The following C1orf141 variants were observed in gnomAD, a reference collection of about 807,000 sequenced individuals.
The protein encoded by C1orf141 is chromosome 1 open reading frame 141, also known as uncharacterized protein C1orf141.
A neutral mutation model predicts 23.2 loss-of-function variants in C1orf141; 19 were observed. The observed-to-expected ratio is 0.82, with a 90% CI of 0.57 to 1.20. C1orf141 has a LOEUF of 1.20. Among genes scored for constraint, C1orf141 ranks in the 50% most tolerant of loss-of-function variants. C1orf141 has a pLI of 0.00. For missense variants in C1orf141, 469 were observed against 455.1 expected, an observed-to-expected ratio of 1.03 and a Z score of -0.28; for synonymous variants, 153 against 154.6, an observed-to-expected ratio of 0.99 and a Z score of 0.08.
chr1:67,105,619 G>A (rs1415044327), intron 5 of C1orf141, among the ~76,000 whole-genome samples: 1 of 151,876 alleles, frequency 6.6e-6, no homozygotes, highest in African/African-American at 2.4e-5. Flanking sequence ...AAATGCTCTA[G>A]ACAAAATACA....
In C1orf141 at chr1:67,133,595, G is replaced by T. The variant is rs114465907; in HGVS notation, c.-104+1335C>A. On this transcript the variant is annotated intron_variant, in intron 1 of 7. Transcript: ENST00000684719. ...CGTATGTTGAAGTCCTAGGCCCCAGGATCTCAGACTGTGATTGTATTTGGA... is the reference window on the plus strand; with the variant it reads ...CGTATGTTGAAGTCCTAGGCCCCAGTATCTCAGACTGTGATTGTATTTGGA... Among the ~76,000 whole-genome samples, 472 of 152,294 alleles carry T rather than the reference G, an allele frequency of 3.1e-3. 4 individuals are homozygous for T. Among genetic ancestry groups the T allele is most frequent in the African/African-American group, 0.011 (464 of 41,554 alleles).
intron 5 of C1orf141, among the ~76,000 whole-genome samples, chr1:67,110,392 G>C (rs4655675): frequency 6.6e-6 from 1 of 152,024 alleles, no homozygotes; most frequent in Non-Finnish European, 1.5e-5. Context: ...CAGGATGCAC[G>C]GTGGTATAAA....
Position 67,093,167 on chromosome 1 carries a change from A to G in C1orf141, c.1041T>C (p.Phe347=). The change falls in exon 8 of 8, where the codon TTT becomes TTC. Residue 347 remains phenylalanine (F), a synonymous_variant. Transcript: ENST00000684719. The part of the protein sequence containing the change: ...IHEMSAQTGK[F]ERMFSAGKPT... ...GTTTTCCTGCAGAAAACATTCTTTC[A>G]AATTTTCCAGTTTGGGCACTCATTT... The G allele has an allele frequency of 2.5e-6, 4 of 1,613,944 alleles. No homozygotes were observed. Among genetic ancestry groups the G allele is most frequent in the Non-Finnish European group, 3.4e-6 (4 of 1,179,888 alleles).
chr1:67,140,760 A>G (rs1646629283), intron 1 of C1orf141, among the ~76,000 whole-genome samples: 1 of 152,204 alleles, frequency 6.6e-6, no homozygotes. Flanking sequence ...AAAAAATTTA[A>G]AAGTTGATAA....
At chr1:67,097,580 G>A (rs1645710858) in intron 5 of C1orf141, among the ~76,000 whole-genome samples, 1 of 152,222 alleles carries the variant, frequency 6.6e-6, no homozygotes, top group Middle Eastern at 3.2e-3. Flanking sequence ...ATAAGCCATG[G>A]TGAAGAGTTA....
At chr1:67,112,598 A>G (rs1459517946) in intron 5 of C1orf141, among the ~76,000 whole-genome samples, 1 of 152,020 alleles carries the variant, frequency 6.6e-6, no homozygotes, top group Non-Finnish European at 1.5e-5. Flanking sequence ...GCTACTCAAG[A>G]GACTGAGGTG....
rs762390664 is a variant in C1orf141, at chr1:67,095,379, G to C, written c.459C>G (p.Asn153Lys). The change falls in exon 7 of 8, where the codon AAC (asparagine) becomes AAG (lysine). Residue 153 changes from asparagine (N) to lysine (K), a missense_variant. Coordinates refer to ENST00000684719, the MANE Select transcript of C1orf141 (RefSeq NM_001276351.2). ...TTAATTGATAATTTCTGACCGATTT[G>C]TTTTCTTTTATATTAAAATCGTTCA... ...PQMNDFNIKE[N>K]KSVRNYQLSK... 2 of 1,562,844 alleles carry C rather than the reference G, an allele frequency of 1.3e-6. No homozygotes were observed. Among genetic ancestry groups the C allele is most frequent in the Non-Finnish European group, 1.7e-6 (2 of 1,148,264 alleles).
At chr1:67,135,242 T>A (rs1243156371), upstream of C1orf141, among the ~76,000 whole-genome samples, 1 of 152,262 alleles carries the variant, frequency 6.6e-6, no homozygotes, top group Admixed American at 6.5e-5. Context: ...TTCCCCTTAT[T>A]GTACCTCCTT....
At chr1:67,104,416 C>A (rs928805076) in intron 5 of C1orf141, among the ~76,000 whole-genome samples, 1 of 151,706 alleles carries the variant, frequency 6.6e-6, no homozygotes. Flanking sequence ...GGTAAGAAGA[C>A]GAGTTGTGAG....
rs61782288 is a variant in C1orf141 at position 67,095,373 on chromosome 1, C to T, written c.465G>A (p.Ser155=). The T allele has an allele frequency of 0.07, 109,715 of 1,563,124 alleles. 4,483 individuals carry two copies. The highest frequency in any genetic ancestry group is 0.094 in the Admixed American group (5,114 of 54,662). The change falls in exon 7 of 8, where the codon TCG becomes TCA. Residue 155 remains serine, a synonymous_variant. Coordinates refer to ENST00000684719, the MANE Select transcript of C1orf141 (RefSeq NM_001276351.2). Reference sequence around the variant, plus strand: ...ACTTACTTAATTGATAATTTCTGACCGATTTGTTTTCTTTTATATTAAAAT... The same window carrying T: ...ACTTACTTAATTGATAATTTCTGACTGATTTGTTTTCTTTTATATTAAAAT... ...MNDFNIKENK[S]VRNYQLSKYR...
At chr1:67,096,532 A>T (rs1016940552) in intron 5 of C1orf141, among the ~76,000 whole-genome samples, 5 of 152,370 alleles carry the variant, frequency 3.3e-5, no homozygotes, top group African/African-American at 1.2e-4. Context: ...TGGCTAAAAC[A>T]GATCAAACAT....
chr1:67,111,986 T>C (rs1056935253), intron 5 of C1orf141, among the ~76,000 whole-genome samples: 1 of 152,214 alleles, frequency 6.6e-6, no homozygotes, highest in African/African-American at 2.4e-5. Context: ...AAATAGTCCC[T>C]TCTACCTGCA....
At position 67,092,494 on chromosome 1, in the gene C1orf141, A is replaced by G. The variant is rs2102406322; in HGVS notation, c.*511T>C. 1 of 152,416 alleles carries G rather than the reference A, an allele frequency of 6.6e-6. No homozygotes were observed. Among genetic ancestry groups the G allele is most frequent in the East Asian group, 1.9e-4 (1 of 5,266 alleles). The allele number at this position is 152,416 out of a possible 1,614,324, so 9.4% of individuals were successfully genotyped here. On this transcript the variant is annotated 3_prime_UTR_variant, in exon 8 of 8. Transcript: ENST00000684719. ...GTTCCAACAGCTACTAATGACAATA[A>G]AATCTATTCAAAGTTTTACAAAGCC...
upstream of C1orf141, among the ~76,000 whole-genome samples, chr1:67,138,330 CCTT>C (rs1320478280): frequency 1.3e-5 from 2 of 152,162 alleles, no homozygotes; most frequent in African/African-American, 4.8e-5. Flanking sequence ...CACTTAATGA[CCTT>C]CTGTCTCTTT....
At chr1:67,139,452 G>A (rs771880422), upstream of C1orf141, among the ~76,000 whole-genome samples, 35 of 152,056 alleles carry the variant, frequency 2.3e-4, no homozygotes, top group Non-Finnish European at 4.6e-4. Flanking sequence ...CTCAAAAACT[G>A]CTACCTGAAC....
chr1:67,131,935 C>T (rs1434657580), intron 1 of C1orf141, among the ~76,000 whole-genome samples: 1 of 151,856 alleles, frequency 6.6e-6, no homozygotes, highest in Non-Finnish European at 1.5e-5. Flanking sequence ...CAGGTGCCCG[C>T]CACCACACGC....
At chr1:67,129,803 T>C (rs1157623483) in intron 2 of C1orf141, among the ~76,000 whole-genome samples, 2 of 152,174 alleles carry the variant, frequency 1.3e-5, no homozygotes, top group African/African-American at 4.8e-5. Flanking sequence ...CCCACAGCCT[T>C]CACTTACCAA....
At chr1:67,117,619 T>A (rs1646221385) in intron 4 of C1orf141, among the ~76,000 whole-genome samples, 1 of 152,212 alleles carries the variant, frequency 6.6e-6, no homozygotes, top group African/African-American at 2.4e-5. Context: ...GGAGGACTTC[T>A]AGGAGAGTGT....
At position 67,093,050 on chromosome 1, in the gene C1orf141, C is replaced by T. The variant is rs1461332639; in HGVS notation, c.1158G>A (p.Leu386=). The change falls in exon 8 of 8, where the codon CTG becomes CTA. Residue 386 remains leucine, a synonymous_variant. Coordinates refer to ENST00000684719, the MANE Select transcript of C1orf141 (RefSeq NM_001276351.2). Reference sequence around the variant, plus strand: ...CATTTGATAAGTTTAACAAATTATCCAGTGGCGTTACATTATTTAGTTCAT... The same window carrying T: ...CATTTGATAAGTTTAACAAATTATCTAGTGGCGTTACATTATTTAGTTCAT... ...YIYELNNVTP[L]DNLLNLSNEI... 1.3e-6 allele frequency: 2 copies of T among 1,595,402 alleles called. No homozygotes were observed. Among genetic ancestry groups the T allele is most frequent in the South Asian group, 1.1e-5 (1 of 89,372 alleles).
Sources: gnomAD v4.1 joint callset for allele counts (sites outside exome capture counted in the v4.1 genomes callset) on GRCh38, gnomAD v4.1.1 for gene constraint, MANE v1.5 for transcripts, NCBI Gene and HGNC (gene_info 2026-07-23, HGNC 2026-07-21) for gene names.